The following NADSYN1 variants were observed in gnomAD, a reference collection of about 807,000 sequenced individuals.
The protein encoded by NADSYN1 is NAD synthetase 1.
A neutral mutation model predicts 99.3 loss-of-function variants in NADSYN1; 80 were observed. The observed-to-expected ratio is 0.81, with a 90% CI of 0.67 to 0.97. The LOEUF is 0.97. Ranked by LOEUF, NADSYN1 falls within the 50% of genes least tolerant of loss-of-function variation. The probability of loss-of-function intolerance (pLI) is 0.00; values close to 1 mark genes in which losing one functional copy is unlikely to be tolerated. For missense variants in NADSYN1, 859 were observed against 948.5 expected (o/e 0.91, Z 1.24); for synonymous variants, 385 against 372.1 (o/e 1.03, Z -0.40).
chr11:71,497,451 G>C (rs768678110), intron 18 of NADSYN1, 32 bp from the exon 19 acceptor site: 69 of 1,613,592 alleles, frequency 4.3e-5, no homozygotes, highest in Non-Finnish European at 5.4e-5. Flanking sequence ...GTGACTTGCT[G>C]TCATCATGGA....
chr11:71,466,909 C>T (rs1471916039), intron 5 of NADSYN1: 1 of 152,126 alleles, frequency 6.6e-6, no homozygotes, highest in Non-Finnish European at 1.5e-5. Context: ...TGGCTTTTGC[C>T]CCAAGGGTTT....
intron 2 of NADSYN1, 82 bp from the exon 3 acceptor site, chr11:71,458,346 C>T (rs1949526541): frequency 1.9e-6 from 2 of 1,038,692 alleles, no homozygotes; most frequent in Admixed American, 1.8e-5. Flanking sequence ...CAGACACGTT[C>T]AGACTGGACT....
At position 71,463,477 on chromosome 11, in the gene NADSYN1, C is replaced by T. The variant is rs1476204171; in HGVS notation, c.309C>T (p.Phe103=). ...TCCGCTACAACTGCAGAGTGATATT[C>T]CTCAACAGGTAGGCCCCCTGCCCCC... The part of the protein sequence containing the change: ...RNVRYNCRVI[F]LNRKILLIRP... The change falls in exon 4 of 21, where the codon TTC becomes TTT. Residue 103 remains phenylalanine, a synonymous_variant. Transcript: ENST00000319023. 1.2e-6 allele frequency: 2 copies of T among 1,613,978 alleles called. No homozygotes were observed. Among genetic ancestry groups the T allele is most frequent in the Non-Finnish European group, 1.7e-6 (2 of 1,179,914 alleles).
intron 6 of NADSYN1, among the ~76,000 whole-genome samples, 184 bp from the exon 7 acceptor site, chr11:71,473,094 G>A (rs1057226658): frequency 5.3e-5 from 8 of 152,238 alleles, no homozygotes; most frequent in Non-Finnish European, 7.3e-5. Flanking sequence ...TCCTAAGGGC[G>A]TCTCTGCCTG....
chr11:71,466,602 G>C (rs1157453185), intron 5 of NADSYN1: 1 of 152,234 alleles, frequency 6.6e-6, no homozygotes, highest in Non-Finnish European at 1.5e-5. Context: ...CTCTCTGCCA[G>C]CAGAGGTGGA....
chr11:71,462,716 T>C (rs1168886237), intron 3 of NADSYN1, among the ~76,000 whole-genome samples: 1 of 152,196 alleles, frequency 6.6e-6, no homozygotes, highest in African/African-American at 2.4e-5. Flanking sequence ...CACATTTGGT[T>C]TTTCTTCCCC....
chr11:71,475,828 G>T (rs147578879), intron 9 of NADSYN1, among the ~76,000 whole-genome samples: 1 of 152,088 alleles, frequency 6.6e-6, no homozygotes, highest in Non-Finnish European at 1.5e-5. Flanking sequence ...TTCTGCCTCA[G>T]CCTCCCAAGT....
chr11:71,458,443 G>C lies in NADSYN1; in HGVS notation c.162G>C (p.Trp54Cys). Reference sequence around the variant, plus strand: ...GTCTCTGCAGCGGCTACGGATGTTGGGATCATTATTACGAGTCGGACACCC... The same window carrying C: ...GTCTCTGCAGCGGCTACGGATGTTGCGATCATTATTACGAGTCGGACACCC... ...PELEICGYGC[W>C]DHYYESDTLL... Residue 54 changes from tryptophan (W) to cysteine (C), a missense_variant, in exon 3 of 21, where the codon TGG (tryptophan) becomes TGC (cysteine). Transcript: ENST00000319023. The C allele has an allele frequency of 6.2e-7, 1 of 1,613,844 alleles. No individual in the cohort carries two copies. Among genetic ancestry groups the C allele is most frequent in the South Asian group, 1.1e-5 (1 of 91,066 alleles).
Position 71,501,290 on chromosome 11 carries a change from C to A in NADSYN1, c.2071-12C>A. On this transcript the variant is annotated splice_polypyrimidine_tract_variant and intron_variant, in intron 20 of 20. Coordinates refer to ENST00000319023, the MANE Select transcript of NADSYN1 (RefSeq NM_018161.5). Reference sequence around the variant, plus strand: ...TTTGCGGGGCTGTGGTGTCACAGGCCTCTCTTTCCAGGTGCTACAGCTCGA... The same window carrying A: ...TTTGCGGGGCTGTGGTGTCACAGGCATCTCTTTCCAGGTGCTACAGCTCGA... 1 of 1,568,642 alleles carries A rather than the reference C, an allele frequency of 6.4e-7. No homozygotes were observed. Among genetic ancestry groups the A allele is most frequent in the South Asian group, 1.2e-5 (1 of 84,628 alleles).
chr11:71,475,996 G>A (rs1334109590), intron 9 of NADSYN1: 2 of 455,664 alleles, frequency 4.4e-6, no homozygotes, highest in South Asian at 3.1e-5. Context: ...TTACAGGTGT[G>A]AGCCACCGCA....
At chr11:71,456,114 A>T (rs1304591765) in intron 2 of NADSYN1, among the ~76,000 whole-genome samples, 2 of 152,048 alleles carry the variant, frequency 1.3e-5, no homozygotes, top group African/African-American at 4.8e-5. Flanking sequence ...CCCCTGCCTT[A>T]GTGTGTGTTC....
At chr11:71,471,843 C>CA (rs1949629205) in intron 5 of NADSYN1, among the ~76,000 whole-genome samples, 1 of 151,994 alleles carries the variant, frequency 6.6e-6, no homozygotes, top group Non-Finnish European at 1.5e-5. Context: ...TCTAAGAAAG[C>CA]AAAAAGGAAA....
intron 8 of NADSYN1, 47 bp from the exon 9 acceptor site, chr11:71,474,348 G>T: frequency 1.9e-6 from 3 of 1,611,504 alleles, no homozygotes; most frequent in Non-Finnish European, 2.5e-6. Context: ...GCAGGTGAGG[G>T]TGGTGGACAC....
At chr11:71,488,368 G>T (rs889539674) in intron 16 of NADSYN1, among the ~76,000 whole-genome samples, 1 of 152,080 alleles carries the variant, frequency 6.6e-6, no homozygotes, top group Non-Finnish European at 1.5e-5. Context: ...CTACTGAGAA[G>T]TGGGTTTCAT....
intron 15 of NADSYN1, chr11:71,484,880 AGT>A (rs933461737): frequency 4.5e-5 from 9 of 199,624 alleles, no homozygotes; most frequent in Non-Finnish European, 7.3e-5. Context: ...TGCAAAAGCA[AGT>A]GTGAGTGTGG....
At chr11:71,498,633 T>A in intron 20 of NADSYN1, 105 bp downstream of exon 20, 1 of 1,245,064 alleles carries the variant, frequency 8.0e-7, no homozygotes, top group South Asian at 1.5e-5. Context: ...ACACAGTAAC[T>A]TTTTTACTGT....
chr11:71,466,656 C>A (rs1274759039), intron 5 of NADSYN1: 1 of 152,312 alleles, frequency 6.6e-6, no homozygotes, highest in Non-Finnish European at 1.5e-5. Context: ...TTCTGTCTTG[C>A]AGGTGGAATC....
At chr11:71,467,123 G>A (rs1052985188) in intron 5 of NADSYN1, among the ~76,000 whole-genome samples, 1 of 152,158 alleles carries the variant, frequency 6.6e-6, no homozygotes, top group Non-Finnish European at 1.5e-5. Context: ...TTGGTGGAGG[G>A]GGAGAGATGT....
At chr11:71,481,718 C>A in intron 12 of NADSYN1, 4 of 605,362 alleles carry the variant, frequency 6.6e-6, no homozygotes, top group African/African-American at 1.9e-5. Context: ...CTCTGACACG[C>A]CCCGCAGTGA....
Sources: allele counts gnomAD v4.1 joint callset (sites outside exome capture counted in the v4.1 genomes callset), GRCh38; gene constraint gnomAD v4.1.1; transcripts MANE v1.5; gene names NCBI Gene and HGNC (gene_info 2026-07-23, HGNC 2026-07-21).